The following EYS variants were observed in gnomAD, a reference collection of about 807,000 sequenced individuals.
EYS encodes EGF-like photoreceptor maintenance factor.
EYS carries 250 observed loss-of-function variants against 282.1 expected under a neutral mutation model. The ratio of observed to expected loss-of-function variants is 0.89; its 90% CI spans 0.80 to 0.98. The LOEUF is 0.98. EYS is among the 50% of genes least tolerant of loss of function. The pLI is 0.00. For synonymous variants in EYS, 1,355 were observed against 1,282.9 expected (o/e 1.06, Z -1.20); for missense variants, 4,016 against 3,709.0 (o/e 1.08, Z -2.15).
intron 26 of EYS, among the ~76,000 whole-genome samples, chr6:64,532,665 C>T (rs1039399669): frequency 3.3e-5 from 5 of 152,096 alleles, no homozygotes; most frequent in African/African-American, 9.6e-5. Flanking sequence ...GCTGAGATTG[C>T]GCCACTGCAT....
chr6:64,917,494 A>C (rs942718603), intron 15 of EYS, among the ~76,000 whole-genome samples: 2 of 152,198 alleles, frequency 1.3e-5, no homozygotes, highest in African/African-American at 4.8e-5. Flanking sequence ...TCTTATAAAA[A>C]TCAGTTCACT....
chr6:64,122,310 T>C (rs1019159360), intron 31 of EYS, among the ~76,000 whole-genome samples: 3 of 152,164 alleles, frequency 2.0e-5, no homozygotes, highest in Non-Finnish European at 4.4e-5. Context: ...CATGAAATCT[T>C]CCCTGGAAGA....
At chr6:63,789,899 G>A (rs1389678959) in intron 37 of EYS, among the ~76,000 whole-genome samples, 1 of 152,180 alleles carries the variant, frequency 6.6e-6, no homozygotes, top group East Asian at 1.9e-4. Flanking sequence ...TTAATCACTA[G>A]GGGAAGGTGC....
intron 2 of EYS, among the ~76,000 whole-genome samples, chr6:65,614,249 A>G (rs943308805): frequency 6.6e-6 from 1 of 152,036 alleles, no homozygotes; most frequent in Non-Finnish European, 1.5e-5. Flanking sequence ...CTGAAAATTT[A>G]GACTACCATA....
At chr6:64,024,763 G>C (rs979623278) in intron 33 of EYS, among the ~76,000 whole-genome samples, 1 of 152,050 alleles carries the variant, frequency 6.6e-6, no homozygotes, top group African/African-American at 2.4e-5. Flanking sequence ...AAGGTCCGCA[G>C]CTTCACTCCT....
intron 1 of EYS, among the ~76,000 whole-genome samples, chr6:65,644,264 T>C (rs1767379736): frequency 6.6e-6 from 1 of 151,818 alleles, no homozygotes; most frequent in South Asian, 2.1e-4. Flanking sequence ...CTTAGAGAAA[T>C]CCAAAGTGTA....
intron 2 of EYS, among the ~76,000 whole-genome samples, chr6:65,601,935 A>C (rs1427767176): frequency 1.3e-5 from 2 of 151,950 alleles, no homozygotes; most frequent in Non-Finnish European, 2.9e-5. Flanking sequence ...TTTTGCTTTC[A>C]TAGTGGGCTT....
chr6:64,518,340 T>A (rs1352549199), intron 26 of EYS, among the ~76,000 whole-genome samples: 1 of 151,734 alleles, frequency 6.6e-6, no homozygotes, highest in East Asian at 1.9e-4. Context: ...ATGGCTGGTC[T>A]CCGTCATGTA....
chr6:65,630,547 T>A (rs184849893), intron 2 of EYS, among the ~76,000 whole-genome samples: 84 of 152,332 alleles, frequency 5.5e-4, no homozygotes, highest in African/African-American at 1.8e-3. Flanking sequence ...AACAGCAATA[T>A]TTTAGCAAAA....
chr6:65,636,890 C>T (rs925491669), intron 2 of EYS, among the ~76,000 whole-genome samples: 10 of 152,160 alleles, frequency 6.6e-5, no homozygotes, highest in Non-Finnish European at 1.0e-4. Context: ...CTCATCAATG[C>T]AGCCTCAACC....
intron 5 of EYS, among the ~76,000 whole-genome samples, chr6:65,461,193 C>T (rs1764815631): frequency 6.6e-6 from 1 of 152,108 alleles, no homozygotes; most frequent in Non-Finnish European, 1.5e-5. Context: ...TACTTCTTCA[C>T]AGAAGGCTAA....
chr6:63,929,418 G>A (rs1371392910), intron 35 of EYS, among the ~76,000 whole-genome samples: 1 of 152,182 alleles, frequency 6.6e-6, no homozygotes, highest in African/African-American at 2.4e-5. Context: ...CTCTCCTTAG[G>A]TTAGAAGGAA....
intron 13 of EYS, among the ~76,000 whole-genome samples, chr6:65,017,269 T>G (rs1772086207): frequency 6.6e-6 from 1 of 152,212 alleles, no homozygotes; most frequent in African/African-American, 2.4e-5. Flanking sequence ...AATATATTAT[T>G]AATGTACTTA....
chr6:64,338,069 C>A (rs1004770711), intron 29 of EYS, among the ~76,000 whole-genome samples: 1 of 151,886 alleles, frequency 6.6e-6, no homozygotes, highest in Non-Finnish European at 1.5e-5. Context: ...AGAACTGGAA[C>A]AAGACAAGGA....
chr6:64,004,741 G>A lies in EYS; in HGVS notation c.6726-5558C>T, dbSNP rs1327983391. On this transcript the variant is annotated intron_variant, in intron 33 of 42. Coordinates refer to ENST00000503581, the MANE Select transcript of EYS (RefSeq NM_001142800.2). ...TATTTGGTTTTCTGATCCTGCATTA[G>A]TTCACTTAGGATAATGGCCTCCAAC... Among the ~76,000 whole-genome samples the A allele has an allele frequency of 1.3e-5, 2 of 152,092 alleles. 1 individual carries two copies. Among genetic ancestry groups the A allele is most frequent in the South Asian group, 4.1e-4 (2 of 4,824 alleles).
intron 14 of EYS, among the ~76,000 whole-genome samples, chr6:64,950,548 G>A: frequency 6.6e-6 from 1 of 150,818 alleles, no homozygotes; most frequent in East Asian, 2.0e-4. Context: ...TGCCAGAAAT[G>A]GAAATATGCC....
At chr6:64,375,134 T>C (rs1451707060) in intron 29 of EYS, among the ~76,000 whole-genome samples, 1 of 152,226 alleles carries the variant, frequency 6.6e-6, no homozygotes, top group East Asian at 1.9e-4. Flanking sequence ...ACTTCAGATG[T>C]CCTTATGAAA....
At chr6:63,865,663 CA>C in intron 35 of EYS, among the ~76,000 whole-genome samples, 1 of 152,076 alleles carries the variant, frequency 6.6e-6, no homozygotes, top group Non-Finnish European at 1.5e-5. Flanking sequence ...TTACCCATAC[CA>C]TGAATTTTTC....
At chr6:64,238,675 C>T (rs536568631) in intron 30 of EYS, among the ~76,000 whole-genome samples, 2 of 152,220 alleles carry the variant, frequency 1.3e-5, no homozygotes, top group Non-Finnish European at 2.9e-5. Context: ...TATGTTCCAT[C>T]CTAAAACTAC....
Sources: allele counts gnomAD v4.1 joint callset (sites outside exome capture counted in the v4.1 genomes callset), GRCh38; gene constraint gnomAD v4.1.1; transcripts MANE v1.5; gene names NCBI Gene and HGNC (gene_info 2026-07-23, HGNC 2026-07-21).